Variants in SLC9A9 observed in about 807,000 individuals in gnomAD.
The protein encoded by SLC9A9 is solute carrier family 9 member A9, also known as sodium/hydrogen exchanger 9.
A neutral mutation model predicts 77.8 loss-of-function variants in SLC9A9; 62 were observed. The ratio of observed to expected loss-of-function variants is 0.80; its 90% CI spans 0.65 to 0.98. The LOEUF (loss-of-function observed/expected upper bound fraction) is 0.98. Among genes scored for constraint, SLC9A9 ranks in the 50% least tolerant of loss-of-function variants. SLC9A9 has a pLI of 0.00. For synonymous variants in SLC9A9, 320 were observed against 283.5 expected (o/e 1.13, Z -1.29); for missense variants, 775 against 774.9 (o/e 1.00, Z 0.00).
intron 14 of SLC9A9, among the ~76,000 whole-genome samples, chr3:143,312,834 G>A (rs1004898478): frequency 3.9e-5 from 6 of 152,200 alleles, no homozygotes; most frequent in African/African-American, 1.4e-4. Flanking sequence ...CTTAGGCCAA[G>A]ATGGCATACC....
At chr3:143,751,212 G>T (rs1213933724) in intron 4 of SLC9A9, among the ~76,000 whole-genome samples, 1 of 152,158 alleles carries the variant, frequency 6.6e-6, no homozygotes, top group East Asian at 1.9e-4. Flanking sequence ...TGGAGAAAAG[G>T]TTGCAGACTC....
At chr3:143,799,376 C>T (rs575294157) in intron 2 of SLC9A9, among the ~76,000 whole-genome samples, 97 of 152,322 alleles carry the variant, frequency 6.4e-4, no homozygotes, top group African/African-American at 1.2e-3. Context: ...TAATTAACCA[C>T]GCCTTCAAGG....
intron 4 of SLC9A9, among the ~76,000 whole-genome samples, chr3:143,731,242 A>C (rs560135638): frequency 1.3e-5 from 2 of 152,346 alleles, no homozygotes; most frequent in African/African-American, 4.8e-5. Context: ...GTGAATACCT[A>C]AACAGTGTAG....
At chr3:143,720,574 C>T (rs1352709531) in intron 4 of SLC9A9, among the ~76,000 whole-genome samples, 1 of 152,188 alleles carries the variant, frequency 6.6e-6, no homozygotes, top group African/African-American at 2.4e-5. Flanking sequence ...GCTTTCTTCC[C>T]AGTATAAGCC....
chr3:143,462,176 G>A lies in SLC9A9; in HGVS notation c.1469+4861C>T, dbSNP rs551572049. On this transcript the variant is annotated intron_variant, in intron 12 of 15. Coordinates refer to ENST00000316549, the MANE Select transcript of SLC9A9 (RefSeq NM_173653.4). ...GAGCTCAGGAGTTTGAGATCAGCTT[G>A]GGCAATGTAATGAGACCTCATCTCT... 5.3e-5 allele frequency among the ~76,000 whole-genome samples: 8 copies of A among 152,238 alleles called. No homozygotes were observed. The East Asian group carries it at 1.5e-3, about 29-fold the overall frequency.
intron 6 of SLC9A9, among the ~76,000 whole-genome samples, chr3:143,620,974 C>T (rs535639735): frequency 3.9e-4 from 60 of 152,306 alleles, no homozygotes; most frequent in Middle Eastern, 3.4e-3. Context: ...TTATATCCCG[C>T]GCCTGGCTCA....
chr3:143,363,591 T>G (rs754688781), intron 13 of SLC9A9, 28 bp from the exon 14 acceptor site: 82 of 1,582,240 alleles, frequency 5.2e-5, no homozygotes, highest in Non-Finnish European at 6.9e-5. Flanking sequence ...AAAAAGGCAT[T>G]GGGTAAATAG....
At chr3:143,801,104 A>G (rs1389801619) in intron 2 of SLC9A9, among the ~76,000 whole-genome samples, 1 of 151,114 alleles carries the variant, frequency 6.6e-6, no homozygotes, top group Non-Finnish European at 1.5e-5. Context: ...TCCTTTCCCC[A>G]CTCCTCTTTC....
intron 9 of SLC9A9, among the ~76,000 whole-genome samples, chr3:143,548,762 A>G (rs948685548): frequency 7.2e-5 from 11 of 152,196 alleles, no homozygotes; most frequent in Admixed American, 5.9e-4. Context: ...TGGACAAAAC[A>G]TATCTTAAAA....
In SLC9A9 at chr3:143,467,941, T is replaced by C. The variant is rs142843601; in HGVS notation, c.1316-751A>G. Among the ~76,000 whole-genome samples, 151 of 152,298 alleles carry C rather than the reference T, an allele frequency of 9.9e-4. 6 individuals are homozygous for C. The East Asian group carries it at 0.025, about 25-fold the overall frequency. ...CATGCAGTATATAGTCTCTTGGAATTGCCTTTTTTTAACCCAGCAAAAGTT... is the reference window on the plus strand; with the variant it reads ...CATGCAGTATATAGTCTCTTGGAATCGCCTTTTTTTAACCCAGCAAAAGTT... On this transcript the variant is annotated intron_variant, in intron 11 of 15. Coordinates refer to ENST00000316549, the MANE Select transcript of SLC9A9 (RefSeq NM_173653.4).
chr3:143,286,069 C>A (rs138337342), intron 14 of SLC9A9, among the ~76,000 whole-genome samples: 70 of 152,244 alleles, frequency 4.6e-4, no homozygotes, highest in African/African-American at 1.6e-3. Context: ...AGATTCTCTT[C>A]TCTTTCAACC....
intron 9 of SLC9A9, among the ~76,000 whole-genome samples, chr3:143,514,962 G>A (rs936308354): frequency 5.3e-5 from 8 of 151,994 alleles, no homozygotes; most frequent in African/African-American, 1.7e-4. Context: ...CCTAGCTTTC[G>A]GCCTGTCCTG....
chr3:143,833,524 A>T (rs1333504171), intron 1 of SLC9A9, among the ~76,000 whole-genome samples: 2 of 152,194 alleles, frequency 1.3e-5, no homozygotes, highest in Non-Finnish European at 2.9e-5. Flanking sequence ...ATTTGTCCAG[A>T]AGAGCTGAAT....
At chr3:143,271,133 TAC>T (rs10582151) in intron 14 of SLC9A9, among the ~76,000 whole-genome samples, 21,134 of 152,142 alleles carry the variant, frequency 0.14, 3,941 homozygotes, top group African/African-American at 0.42. Flanking sequence ...GCATAGTGTA[TAC>T]AGAGTTTAGC....
intron 5 of SLC9A9, among the ~76,000 whole-genome samples, chr3:143,686,064 G>A (rs1933253612): frequency 2.0e-5 from 3 of 152,158 alleles, no homozygotes; most frequent in Non-Finnish European, 2.9e-5. Context: ...CACCTTGGGA[G>A]ACTGCCCTTC....
At chr3:143,362,808 C>T (rs2032787353) in intron 14 of SLC9A9, among the ~76,000 whole-genome samples, 1 of 152,180 alleles carries the variant, frequency 6.6e-6, no homozygotes, top group Non-Finnish European at 1.5e-5. Flanking sequence ...CTCACAATGG[C>T]AAAACACTTC....
At chr3:143,326,190 G>C (rs985815757) in intron 14 of SLC9A9, among the ~76,000 whole-genome samples, 4 of 151,586 alleles carry the variant, frequency 2.6e-5, no homozygotes, top group Non-Finnish European at 5.9e-5. Context: ...ATTCCTTGAG[G>C]CATCGAGGTC....
intron 6 of SLC9A9, among the ~76,000 whole-genome samples, chr3:143,625,664 A>C (rs1576619176): frequency 6.6e-6 from 1 of 152,240 alleles, no homozygotes; most frequent in Non-Finnish European, 1.5e-5. Context: ...TAAAAACCCT[A>C]GAAGAAAACC....
At chr3:143,607,802 T>C (rs921151938) in intron 6 of SLC9A9, among the ~76,000 whole-genome samples, 5 of 151,654 alleles carry the variant, frequency 3.3e-5, no homozygotes, top group Non-Finnish European at 5.9e-5. Context: ...TATTTATATA[T>C]ACATATATAA....
Sources: gnomAD v4.1 joint callset for allele counts (sites outside exome capture counted in the v4.1 genomes callset) on GRCh38, gnomAD v4.1.1 for gene constraint, MANE v1.5 for transcripts, NCBI Gene and HGNC (gene_info 2026-07-23, HGNC 2026-07-21) for gene names.